Variants in PACRGL observed in about 807,000 individuals in gnomAD.
The protein encoded by PACRGL is parkin coregulated like, also known as PACRG-like protein.
A neutral mutation model predicts 34.5 loss-of-function variants in PACRGL; 38 were observed. The ratio of observed to expected loss-of-function variants is 1.10; its 90% CI spans 0.85 to 1.44. The LOEUF is 1.44. Ranked by LOEUF, PACRGL falls within the 40% of genes most tolerant of loss-of-function variation. The probability of loss-of-function intolerance (pLI) is 0.00; values close to 1 mark genes in which losing one functional copy is unlikely to be tolerated. For missense variants in PACRGL, 305 were observed against 281.4 expected, an observed-to-expected ratio of 1.08 and a Z score of -0.60; for synonymous variants, 128 against 100.1, an observed-to-expected ratio of 1.28 and a Z score of -1.66.
chr4:20,738,717 C>T (rs1750302955), intron 8 of PACRGL, among the ~76,000 whole-genome samples: 2 of 152,188 alleles, frequency 1.3e-5, no homozygotes, highest in African/African-American at 4.8e-5. Flanking sequence ...AACTGAGGTA[C>T]CAGGTTCATC....
At chr4:20,763,031 T>A in the PACRGL span, among the ~76,000 whole-genome samples, 15 of 152,102 alleles carry the variant, frequency 9.9e-5, no homozygotes, top group Non-Finnish European at 1.9e-4. Context: ...CACCCACTTA[T>A]CACGAGAACA....
At position 20,727,643 on chromosome 4, in the gene PACRGL, TTTTA is replaced by T. The variant is rs1455411293; in HGVS notation, c.*308_*311del. 2 of 219,360 alleles carry T rather than the reference TTTTA, an allele frequency of 9.1e-6. No individual in the cohort carries two copies. The highest frequency in any genetic ancestry group is 1.7e-5 in the Non-Finnish European group (2 of 119,442). 13.6% of individuals were successfully genotyped at this position (219,360 alleles called of 1,614,324 possible). On this transcript the variant is annotated 3_prime_UTR_variant, in exon 9 of 9. Coordinates refer to ENST00000503585, the MANE Select transcript of PACRGL (RefSeq NM_001258345.3). ...GATGTATTTGTATTTTCTAGTGTCT[TTTTA>T]TTTATAACAACACTTTTTTGGCAAT...
the PACRGL span, among the ~76,000 whole-genome samples, chr4:20,765,450 T>C: frequency 6.6e-6 from 1 of 152,196 alleles, no homozygotes; most frequent in Admixed American, 6.5e-5. Context: ...GATTAAAATT[T>C]ATTGTGCATT....
chr4:20,761,548 A>G, the PACRGL span, among the ~76,000 whole-genome samples: 1 of 152,176 alleles, frequency 6.6e-6, no homozygotes, highest in Non-Finnish European at 1.5e-5. Flanking sequence ...GTAAGGAGAG[A>G]GTAAATACCT....
chr4:20,738,317 C>A (rs1476243177), intron 8 of PACRGL, among the ~76,000 whole-genome samples: 1 of 152,156 alleles, frequency 6.6e-6, no homozygotes, highest in Non-Finnish European at 1.5e-5. Context: ...GTAAGGGGAG[C>A]TGGCCACAGG....
At chr4:20,703,477 A>AGT (rs34932810) in intron 1 of PACRGL, among the ~76,000 whole-genome samples, 24,607 of 141,366 alleles carry the variant, frequency 0.17, 1,943 homozygotes, top group Middle Eastern at 0.24. Flanking sequence ...TGGGTATATG[A>AGT]GTGTGTGTGT....
chr4:20,730,432 ACAGAGGTG>A lies in PACRGL; in HGVS notation c.*3100_*3107del, dbSNP rs971681978. Among the ~76,000 whole-genome samples, 15 of 151,926 alleles carry A rather than the reference ACAGAGGTG, an allele frequency of 9.9e-5. No homozygotes were observed. Among genetic ancestry groups the A allele is most frequent in the East Asian group, 1.9e-4 (1 of 5,196 alleles). Reference sequence around the variant, plus strand: ...AAATCATAATGCCAAAATGGAAACTACAGAGGTGCAGAGGTGTGTCAAAGCAAATGAGA... The same window carrying A: ...AAATCATAATGCCAAAATGGAAACTACAGAGGTGTGTCAAAGCAAATGAGA... On this transcript the variant is annotated 3_prime_UTR_variant, in exon 9 of 9. Transcript: ENST00000503585.
intron 8 of PACRGL, among the ~76,000 whole-genome samples, chr4:20,737,888 T>C (rs552779376): frequency 6.6e-6 from 1 of 152,220 alleles, no homozygotes; most frequent in African/African-American, 2.4e-5. Context: ...TCCCAGCACT[T>C]TGGGTGGTGG....
At position 20,731,639 on chromosome 4, in the gene PACRGL, C is replaced by T; in HGVS notation, c.*4298C>T. 4 of 985,224 alleles carry T rather than the reference C, an allele frequency of 4.1e-6. No individual in the cohort carries two copies. The highest frequency in any genetic ancestry group is 4.8e-6 in the Non-Finnish European group (4 of 829,812). 61.0% of individuals were successfully genotyped at this position (985,224 alleles called of 1,614,324 possible). On this transcript the variant is annotated 3_prime_UTR_variant, in exon 9 of 9. Transcript: ENST00000503585. The stretch of plus-strand genomic sequence containing the variant: ...TGCCATACTTGGCTATCTAGGAATT[C>T]TAATGCTGTGGAGATATGATAGATA...
chr4:20,743,490 GA>G (rs1476688679), intron 8 of PACRGL, among the ~76,000 whole-genome samples: 1 of 152,118 alleles, frequency 6.6e-6, no homozygotes, highest in Admixed American at 6.6e-5. Flanking sequence ...TCTGATCTTT[GA>G]CAAACCTGAC....
Position 20,713,472 on chromosome 4 carries a change from C to G in PACRGL, c.542C>G (p.Ala181Gly). 1 of 1,613,720 alleles carries G rather than the reference C, an allele frequency of 6.2e-7. No individual in the cohort carries two copies. Among genetic ancestry groups the G allele is most frequent in the Non-Finnish European group, 8.5e-7 (1 of 1,179,762 alleles). Residue 181 changes from alanine to glycine, a missense_variant, in exon 7 of 9, where the codon GCT becomes GGT. Physicochemically the swap from Ala to Gly is moderately conservative, Grantham distance 60. Transcript: ENST00000503585. Reference protein sequence around the residue: ...DDEVFERGLNALVQLSVVVGP... With the variant: ...DDEVFERGLNGLVQLSVVVGP... Reference sequence around the variant, plus strand: ...GAAGTGTTTGAAAGAGGATTGAATGCTCTAGTTCAGCTAAGTGTCGTTGTT... The same window carrying G: ...GAAGTGTTTGAAAGAGGATTGAATGGTCTAGTTCAGCTAAGTGTCGTTGTT...
At chr4:20,761,870 TTA>T in the PACRGL span, among the ~76,000 whole-genome samples, 1 of 152,190 alleles carries the variant, frequency 6.6e-6, no homozygotes, top group African/African-American at 2.4e-5. Context: ...AAATTTGTTT[TTA>T]TCCACCTTAT....
At chr4:20,745,739 T>A (rs569824793) in intron 8 of PACRGL, among the ~76,000 whole-genome samples, 3 of 152,298 alleles carry the variant, frequency 2.0e-5, no homozygotes, top group African/African-American at 7.2e-5. Context: ...TGGATTCTGT[T>A]CATCTGCCAA....
At chr4:20,739,258 A>G (rs527367383) in intron 8 of PACRGL, among the ~76,000 whole-genome samples, 1 of 152,312 alleles carries the variant, frequency 6.6e-6, no homozygotes, top group African/African-American at 2.4e-5. Flanking sequence ...GGAGTTTGAG[A>G]TCTGAGAACA....
At chr4:20,724,776 C>A in intron 7 of PACRGL, 32 bp from the exon 8 acceptor site, 1 of 1,287,620 alleles carries the variant, frequency 7.8e-7, no homozygotes, top group South Asian at 1.6e-5. Context: ...AGTTTAAAGT[C>A]ATTTCGTTTC....
chr4:20,738,175 T>C (rs1185097290), intron 8 of PACRGL, among the ~76,000 whole-genome samples: 1 of 151,854 alleles, frequency 6.6e-6, no homozygotes, highest in Non-Finnish European at 1.5e-5. Context: ...GCATAAAATA[T>C]ACATTGCAGA....
chr4:20,730,214 C>CCATCAACCACCT lies in PACRGL; in HGVS notation c.*2876_*2887dup, dbSNP rs1747670020. 1.9e-5 allele frequency: 27 copies of CCATCAACCACCT among 1,452,562 alleles called. No individual in the cohort carries two copies. Among genetic ancestry groups the CCATCAACCACCT allele is most frequent in the Non-Finnish European group, 2.5e-5 (27 of 1,088,352 alleles). 90.0% of individuals were successfully genotyped at this position (1,452,562 alleles called of 1,614,324 possible). A position where few individuals can be genotyped will look rare whatever the true frequency, so the allele number is the denominator to read the frequency against. On this transcript the variant is annotated 3_prime_UTR_variant, in exon 9 of 9. Coordinates refer to ENST00000503585, the MANE Select transcript of PACRGL (RefSeq NM_001258345.3). ...TTTTGCCCCTGAGTATTGCCTCCTC[C>CCATCAACCACCT]CATCAACCACCTCAACCACCTATGC...
intron 7 of PACRGL, chr4:20,716,320 T>A: frequency 1.7e-6 from 1 of 583,168 alleles, no homozygotes; most frequent in East Asian, 2.9e-5. Flanking sequence ...CCTAGTGAAG[T>A]TATTCATGCA....
At chr4:20,756,428 C>T (rs1754455056), downstream of PACRGL, among the ~76,000 whole-genome samples, 1 of 152,092 alleles carries the variant, frequency 6.6e-6, no homozygotes, top group South Asian at 2.1e-4. Flanking sequence ...AAGCTATTAA[C>T]ATCTCCTTCT....
Sources: gnomAD v4.1 joint callset for allele counts (sites outside exome capture counted in the v4.1 genomes callset) on GRCh38, gnomAD v4.1.1 for gene constraint, MANE v1.5 for transcripts, NCBI Gene and HGNC (gene_info 2026-07-23, HGNC 2026-07-21) for gene names.